ADAMTSL1: variants seen among roughly 807,000 people sequenced by gnomAD.
ADAMTSL1 encodes ADAMTS like 1.
Under a neutral mutation model 201.8 loss-of-function variants are expected in ADAMTSL1, and 126 were observed. That is an observed-to-expected ratio of 0.62 (90% CI 0.54 to 0.72). The LOEUF (loss-of-function observed/expected upper bound fraction) is 0.72, where lower values mean the gene tolerates loss of function less well. Among genes scored for constraint, ADAMTSL1 ranks in the 30% least tolerant of loss-of-function variants. The probability of loss-of-function intolerance (pLI) is 0.00; values close to 1 mark genes in which losing one functional copy is unlikely to be tolerated. For missense variants in ADAMTSL1, 2,679 were observed against 2,277.8 expected (o/e 1.18, Z -3.59); for synonymous variants, 1,121 against 903.4 (o/e 1.24, Z -4.32).
intron 3 of ADAMTSL1, among the ~76,000 whole-genome samples, chr9:18,543,584 G>A (rs1006258054): frequency 5.9e-5 from 9 of 152,088 alleles, no homozygotes; most frequent in South Asian, 2.1e-4. Context: ...TTTCTTTTTC[G>A]CTAGTTAAAC....
chr9:18,345,866 G>A (rs1220871174), intron 2 of ADAMTSL1, among the ~76,000 whole-genome samples: 1 of 152,088 alleles, frequency 6.6e-6, no homozygotes, highest in Non-Finnish European at 1.5e-5. Flanking sequence ...CCATGTGACA[G>A]GTGATACCCC....
intron 2 of ADAMTSL1, among the ~76,000 whole-genome samples, chr9:18,531,502 A>T (rs1390400131): frequency 6.6e-6 from 1 of 152,186 alleles, no homozygotes; most frequent in Non-Finnish European, 1.5e-5. Context: ...ATGTGTGGCC[A>T]GCCATTCCTT....
At chr9:17,928,961 A>G (rs904575036) in intron 1 of ADAMTSL1, among the ~76,000 whole-genome samples, 3 of 152,090 alleles carry the variant, frequency 2.0e-5, no homozygotes, top group African/African-American at 7.2e-5. Flanking sequence ...TTACACGACT[A>G]TGGACAAAAC....
At chr9:18,268,858 T>C (rs1000874259) in intron 2 of ADAMTSL1, among the ~76,000 whole-genome samples, 1 of 152,156 alleles carries the variant, frequency 6.6e-6, no homozygotes, top group African/African-American at 2.4e-5. Context: ...TCTTGAGTTC[T>C]TTTTCTCCTG....
At chr9:18,507,298 T>G (rs1817730002) in intron 2 of ADAMTSL1, among the ~76,000 whole-genome samples, 1 of 152,200 alleles carries the variant, frequency 6.6e-6, no homozygotes, top group Non-Finnish European at 1.5e-5. Flanking sequence ...CCTAATGAGT[T>G]AAATCTTACA....
At chr9:18,188,102 A>C (rs1177342542) in intron 2 of ADAMTSL1, among the ~76,000 whole-genome samples, 1 of 152,144 alleles carries the variant, frequency 6.6e-6, no homozygotes, top group Non-Finnish European at 1.5e-5. Context: ...TGAGGCACAA[A>C]AAAAGAGAAA....
intron 1 of ADAMTSL1, among the ~76,000 whole-genome samples, chr9:18,489,104 G>A (rs555054559): frequency 3.3e-5 from 5 of 152,128 alleles, no homozygotes; most frequent in Admixed American, 2.0e-4. Flanking sequence ...TCTGGGGAGA[G>A]ACCCAGACAT....
At position 18,904,675 on chromosome 9, in the gene ADAMTSL1, T is replaced by G. The variant is rs1382580275; in HGVS notation, c.4852-1107T>G. On this transcript the variant is annotated intron_variant, in intron 26 of 28. Coordinates refer to ENST00000380548, the MANE Select transcript of ADAMTSL1 (RefSeq NM_001040272.6). ...AAAAAAAAAAAAAAAAAAAAAAAGG[T>G]CCGTTTATGTGTATTTTACGATTTA... Among the ~76,000 whole-genome samples, 33 of 92,090 alleles carry G rather than the reference T, an allele frequency of 3.6e-4. 11 individuals are homozygous for G. The highest frequency in any genetic ancestry group is 6.4e-4 in the Admixed American group (5 of 7,766). The allele number at this position is 92,090 out of a possible 152,430, so 60.4% of individuals were successfully genotyped here. A position where few individuals can be genotyped will look rare whatever the true frequency, so the allele number is the denominator to read the frequency against.
chr9:18,648,451 C>G (rs199943070), intron 7 of ADAMTSL1, among the ~76,000 whole-genome samples: 13 of 151,912 alleles, frequency 8.6e-5, no homozygotes, highest in Non-Finnish European at 1.6e-4. Context: ...TGGTAATTTT[C>G]CTCATTAGTT....
intron 2 of ADAMTSL1, among the ~76,000 whole-genome samples, chr9:18,232,479 T>A (rs1830680894): frequency 6.6e-6 from 1 of 152,202 alleles, no homozygotes. Flanking sequence ...ACTTATCTTG[T>A]TTATTCCACA....
Position 17,960,933 on chromosome 9 carries a change from C to G in ADAMTSL1, c.87+54011C>G, listed in dbSNP as rs114977998. 3.9e-3 allele frequency among the ~76,000 whole-genome samples: 594 copies of G among 152,214 alleles called. 5 individuals carry two copies. The highest frequency in any genetic ancestry group is 0.013 in the African/African-American group (553 of 41,534). On this transcript the variant is annotated intron_variant, in intron 1 of 29. Transcript: ENST00000680146. ...TTCCTTATCCTAAATTAATGTGATT[C>G]TGGTTCAGTTGTAGAATCTTTTGCT...
intron 2 of ADAMTSL1, among the ~76,000 whole-genome samples, chr9:18,276,113 C>T (rs901083710): frequency 6.6e-6 from 1 of 152,052 alleles, no homozygotes; most frequent in African/African-American, 2.4e-5. Flanking sequence ...TGATACCCAA[C>T]TGTGCTTATT....
chr9:18,319,357 A>T (rs1026424004), intron 2 of ADAMTSL1, among the ~76,000 whole-genome samples: 6 of 152,206 alleles, frequency 3.9e-5, no homozygotes, highest in African/African-American at 1.4e-4. Context: ...ATGTGGCCTC[A>T]GCCTATTGAT....
chr9:18,177,968 A>G (rs76562640), intron 2 of ADAMTSL1, among the ~76,000 whole-genome samples: 3,684 of 152,312 alleles, frequency 0.024, 174 homozygotes, highest in African/African-American at 0.085. Flanking sequence ...TGGCTTTAAA[A>G]TTTTTGGCGG....
chr9:18,905,530 C>G (rs1342247527), intron 26 of ADAMTSL1: 28 of 496,254 alleles, frequency 5.6e-5, no homozygotes, highest in Non-Finnish European at 8.4e-5. Flanking sequence ...GCTTGACGTT[C>G]TCTTACTGGT....
At chr9:18,886,356 A>T (rs762085640) in intron 23 of ADAMTSL1, among the ~76,000 whole-genome samples, 44 of 151,670 alleles carry the variant, frequency 2.9e-4, no homozygotes, top group Admixed American at 5.3e-4. Context: ...ACTGCACTCC[A>T]GCTTGGGTGA....
chr9:18,290,798 T>C (rs1244602950), intron 2 of ADAMTSL1, among the ~76,000 whole-genome samples: 3 of 151,086 alleles, frequency 2.0e-5, no homozygotes, highest in African/African-American at 7.3e-5. Context: ...TTTTTTTTTT[T>C]TGAGGCAGAG....
At chr9:18,807,669 A>C (rs1297610262) in intron 20 of ADAMTSL1, among the ~76,000 whole-genome samples, 2 of 150,740 alleles carry the variant, frequency 1.3e-5, no homozygotes, top group Non-Finnish European at 3.0e-5. Context: ...CAAAAAAAAA[A>C]CAAAGCATAC....
intron 1 of ADAMTSL1, among the ~76,000 whole-genome samples, chr9:17,927,367 T>C (rs1012843799): frequency 3.9e-5 from 6 of 152,166 alleles, no homozygotes; most frequent in African/African-American, 1.4e-4. Context: ...TATATACATA[T>C]GTGCATATAC....
Sources: gnomAD v4.1 joint callset for allele counts (sites outside exome capture counted in the v4.1 genomes callset) on GRCh38, gnomAD v4.1.1 for gene constraint, MANE v1.5 for transcripts, NCBI Gene and HGNC (gene_info 2026-07-23, HGNC 2026-07-21) for gene names.